Variants in CTNNA3 observed in about 807,000 individuals in gnomAD.
CTNNA3 encodes the protein catenin alpha 3.
A neutral mutation model predicts 95.7 loss-of-function variants in CTNNA3; 76 were observed. The ratio of observed to expected loss-of-function variants is 0.79; its 90% confidence interval spans 0.66 to 0.96. CTNNA3 has a LOEUF of 0.96. Ranked by LOEUF, CTNNA3 falls within the 40% of genes least tolerant of loss-of-function variation. CTNNA3 has a pLI of 0.00. For missense variants in CTNNA3, 1,191 were observed against 1,089.8 expected, an observed-to-expected ratio of 1.09 and a Z score of -1.31; for synonymous variants, 431 against 374.4, an observed-to-expected ratio of 1.15 and a Z score of -1.74.
intron 7 of CTNNA3, chr10:67,098,450 T>C (rs1374432134): frequency 6.6e-6 from 1 of 152,236 alleles, no homozygotes; most frequent in African/African-American, 2.4e-5. Flanking sequence ...CATAGGCAGG[T>C]TTTTCTTAAA....
chr10:67,562,436 C>A (rs11497778), intron 3 of CTNNA3, among the ~76,000 whole-genome samples: 8,766 of 152,224 alleles, frequency 0.058, 279 homozygotes, highest in South Asian at 0.14. Context: ...CAAAATTCAA[C>A]AACCCTTCAT....
chr10:66,474,338 T>C (rs1417522706), intron 11 of CTNNA3, among the ~76,000 whole-genome samples: 1 of 152,068 alleles, frequency 6.6e-6, no homozygotes, highest in Non-Finnish European at 1.5e-5. Context: ...CTTGTTTCAC[T>C]TTATCTTCCA....
Position 66,766,323 on chromosome 10 carries a change from C to G in CTNNA3, c.1222G>C (p.Glu408Gln). The change falls in exon 9 of 18, where the codon GAA becomes CAA. Residue 408 changes from glutamate to glutamine, a missense_variant. By Grantham distance (29) the Glu-to-Gln change is conservative. Coordinates refer to ENST00000433211, the MANE Select transcript of CTNNA3 (RefSeq NM_013266.4). ...GCAGCATATTCTTTTATTTCCTTTT[C>G]CCGGCCATTCTTAGCAGCTTCAATG... is the stretch of plus-strand genomic sequence containing the variant. ...VLIEAAKNGR[E>Q]KEIKEYAAIF... 6.2e-6 allele frequency: 10 copies of G among 1,613,890 alleles called. No homozygotes were observed. Among genetic ancestry groups the G allele is most frequent in the Admixed American group, 1.7e-5 (1 of 59,998 alleles).
At chr10:66,708,220 G>T (rs1284529282) in intron 9 of CTNNA3, among the ~76,000 whole-genome samples, 2 of 149,376 alleles carry the variant, frequency 1.3e-5, no homozygotes, top group Non-Finnish European at 3.0e-5. Flanking sequence ...GCTTGCCAAT[G>T]CTGCCAAAAA....
intron 7 of CTNNA3, among the ~76,000 whole-genome samples, chr10:66,958,528 T>G (rs1441435310): frequency 6.6e-6 from 1 of 152,118 alleles, no homozygotes; most frequent in African/African-American, 2.4e-5. Flanking sequence ...AATGTGCAGC[T>G]GGGTTCAGAA....
chr10:65,963,297 G>A (rs2077891751), intron 17 of CTNNA3, among the ~76,000 whole-genome samples: 1 of 152,078 alleles, frequency 6.6e-6, no homozygotes, highest in Non-Finnish European at 1.5e-5. Flanking sequence ...AAGTACCAAG[G>A]AAAGTTGATT....
chr10:66,950,902 T>G (rs901729603), intron 7 of CTNNA3, among the ~76,000 whole-genome samples: 3 of 152,170 alleles, frequency 2.0e-5, no homozygotes, highest in Non-Finnish European at 4.4e-5. Flanking sequence ...TGTAATCACA[T>G]GAGACAGAAT....
rs1184658056 is a variant in CTNNA3 at position 66,927,376 on chromosome 10, C to A, written c.1048-151852G>T. On this transcript the variant is annotated intron_variant, in intron 7 of 17. Transcript: ENST00000433211. This position sits in a 1 kb window ranked among gnomAD's most constrained non-coding sequence, Gnocchi z 4.7. ...GCATTCTCTGGGATCTGAACAGTTT[C>A]GGGGCTTGCGGAAGCTGCTGAGTTT... 1.2e-6 allele frequency: 2 copies of A among 1,614,052 alleles called. No individual in the cohort carries two copies. The highest frequency in any genetic ancestry group is 1.1e-5 in the South Asian group (1 of 91,090).
chr10:66,300,343 C>T (rs1322662768), intron 12 of CTNNA3, among the ~76,000 whole-genome samples: 2 of 152,006 alleles, frequency 1.3e-5, no homozygotes, highest in Non-Finnish European at 2.9e-5. Context: ...ATTAAATATC[C>T]TGGTGCTTGT....
rs535641478 is a variant in CTNNA3, at chr10:66,264,774, A to G, written c.1884+15696T>C. On this transcript the variant is annotated intron_variant, in intron 13 of 17. Coordinates refer to ENST00000433211, the MANE Select transcript of CTNNA3 (RefSeq NM_013266.4). ...ACAGACTCATATCTGGTATCCTCAC[A>G]TCTATTCTTGCCCATCCTCCATTTC... Among the ~76,000 whole-genome samples, 4 of 152,048 alleles carry G rather than the reference A, an allele frequency of 2.6e-5. No individual in the cohort carries two copies. In the South Asian group the frequency reaches 8.3e-4, roughly 32 times the overall value.
chr10:66,452,168 A>T (rs1026028418), intron 11 of CTNNA3, among the ~76,000 whole-genome samples: 1 of 152,196 alleles, frequency 6.6e-6, no homozygotes, highest in African/African-American at 2.4e-5. Flanking sequence ...TTTCAACTTC[A>T]GTAGCATTGA....
chr10:67,261,119 G>C (rs999177288), intron 5 of CTNNA3, among the ~76,000 whole-genome samples: 1 of 152,132 alleles, frequency 6.6e-6, no homozygotes, highest in Non-Finnish European at 1.5e-5. Flanking sequence ...AATAAGCAGA[G>C]GGTTTCCTGT....
At chr10:66,277,108 T>C (rs2091414527) in intron 13 of CTNNA3, among the ~76,000 whole-genome samples, 1 of 152,128 alleles carries the variant, frequency 6.6e-6, no homozygotes, top group Admixed American at 6.6e-5. Context: ...CCAGTGGAAA[T>C]AGCAATACTA....
At chr10:66,481,361 TCATC>T (rs1399289231) in intron 11 of CTNNA3, among the ~76,000 whole-genome samples, 2 of 152,122 alleles carry the variant, frequency 1.3e-5, no homozygotes, top group South Asian at 2.1e-4. Flanking sequence ...AATTCATTAT[TCATC>T]CATTCATTCA....
chr10:67,671,891 G>C (rs917058838), intron 1 of CTNNA3, among the ~76,000 whole-genome samples: 1 of 151,950 alleles, frequency 6.6e-6, no homozygotes, highest in African/African-American at 2.4e-5. Flanking sequence ...GGGATGGCTG[G>C]GTCAAATGGT....
intron 7 of CTNNA3, among the ~76,000 whole-genome samples, chr10:66,943,908 A>G (rs1848150918): frequency 6.6e-6 from 1 of 152,230 alleles, no homozygotes; most frequent in South Asian, 2.1e-4. Context: ...ATTGCTAAAA[A>G]GTGCTCATGA....
intron 9 of CTNNA3, among the ~76,000 whole-genome samples, chr10:66,694,842 T>C (rs898486436): frequency 2.0e-5 from 3 of 152,208 alleles, no homozygotes; most frequent in Non-Finnish European, 2.9e-5. Flanking sequence ...ATTCCACTTA[T>C]ACAAATGGAA....
At chr10:67,179,184 G>C (rs1033932172) in intron 7 of CTNNA3, among the ~76,000 whole-genome samples, 16 of 151,856 alleles carry the variant, frequency 1.1e-4, no homozygotes, top group Non-Finnish European at 1.9e-4. Context: ...ACACCTACAT[G>C]AATCTTGAAT....
At chr10:67,339,334 T>G (rs1449800482) in intron 5 of CTNNA3, among the ~76,000 whole-genome samples, 4 of 152,180 alleles carry the variant, frequency 2.6e-5, no homozygotes, top group Non-Finnish European at 5.9e-5. Flanking sequence ...GCTAATGACT[T>G]ATCCAATATC....
Sources: allele counts gnomAD v4.1 joint callset (sites outside exome capture counted in the v4.1 genomes callset), GRCh38; gene constraint gnomAD v4.1.1; non-coding constraint Gnocchi (gnomAD v3.1); transcripts MANE v1.5; gene names NCBI Gene and HGNC (gene_info 2026-07-23, HGNC 2026-07-21).